HERC3: variants seen among roughly 807,000 people sequenced by gnomAD.
HERC3 encodes HECT and RLD domain containing E3 ubiquitin protein ligase 3.
In HERC3, 58 loss-of-function variants were observed where a neutral mutation model predicts 129.9. The ratio of observed to expected loss-of-function variants is 0.45; its 90% CI spans 0.36 to 0.56. The LOEUF (loss-of-function observed/expected upper bound fraction) is 0.56. HERC3 is among the 20% of genes least tolerant of loss of function. HERC3 has a pLI of 0.00. For synonymous variants in HERC3, 430 were observed against 451.0 expected (o/e 0.95, Z 0.59); for missense variants, 835 against 1,244.2 (o/e 0.67, Z 4.95).
chr4:88,539,648 A>T, the HERC3 span, among the ~76,000 whole-genome samples: 1 of 152,080 alleles, frequency 6.6e-6, no homozygotes, highest in Non-Finnish European at 1.5e-5. Flanking sequence ...TGACTGGGAG[A>T]CACCTCCCAG....
intron 2 of HERC3, among the ~76,000 whole-genome samples, chr4:88,603,591 G>A (rs760722289): frequency 3.9e-5 from 6 of 152,080 alleles, no homozygotes; most frequent in South Asian, 2.1e-4. Flanking sequence ...GTCTCCTTTC[G>A]TCTCTAAATC....
At chr4:88,654,348 TCATATATATATATATATA>T (rs1190750564) in intron 7 of HERC3, among the ~76,000 whole-genome samples, 22 of 109,654 alleles carry the variant, frequency 2.0e-4, no homozygotes, top group African/African-American at 5.7e-4. Context: ...TGTAGATTTT[TCATATATATATATATATA>T]TATATATATA....
intron 21 of HERC3, among the ~76,000 whole-genome samples, chr4:88,683,827 G>A (rs1733085603): frequency 6.6e-6 from 1 of 152,210 alleles, no homozygotes; most frequent in Non-Finnish European, 1.5e-5. Flanking sequence ...TGCAGGCTGT[G>A]TGTGGTCCAG....
At chr4:88,653,502 G>A (rs573318460) in intron 6 of HERC3, among the ~76,000 whole-genome samples, 1 of 152,312 alleles carries the variant, frequency 6.6e-6, no homozygotes, top group East Asian at 1.9e-4. Context: ...CACAGCTGCA[G>A]GTCAGAGAAG....
At chr4:88,636,408 C>T (rs557205924) in intron 3 of HERC3, among the ~76,000 whole-genome samples, 7 of 152,194 alleles carry the variant, frequency 4.6e-5, no homozygotes, top group Middle Eastern at 3.4e-3. Context: ...AAGGGCATTA[C>T]GTAATGGTAA....
upstream of HERC3, among the ~76,000 whole-genome samples, chr4:88,590,862 A>C (rs532343780): frequency 1.0e-4 from 15 of 150,442 alleles, no homozygotes; most frequent in South Asian, 2.9e-3. Flanking sequence ...TCTTGTCCCC[A>C]GTGTTTCTTT....
At chr4:88,629,626 C>G (rs1052809826) in intron 3 of HERC3, among the ~76,000 whole-genome samples, 2 of 152,106 alleles carry the variant, frequency 1.3e-5, no homozygotes, top group South Asian at 2.1e-4. Context: ...AAAATGCCAG[C>G]CTTAAAGTTT....
the HERC3 span, among the ~76,000 whole-genome samples, chr4:88,544,691 T>C: frequency 6.6e-6 from 1 of 152,200 alleles, no homozygotes; most frequent in African/African-American, 2.4e-5. Flanking sequence ...AATGATAGAC[T>C]GGATTAAGAA....
chr4:88,602,984 A>G (rs560501223), intron 2 of HERC3, among the ~76,000 whole-genome samples: 3 of 152,116 alleles, frequency 2.0e-5, no homozygotes, highest in Non-Finnish European at 4.4e-5. Flanking sequence ...CTTTTTATTC[A>G]TGCTTGGCAA....
At chr4:88,686,117 A>C (rs1733422206) in intron 21 of HERC3, among the ~76,000 whole-genome samples, 1 of 152,170 alleles carries the variant, frequency 6.6e-6, no homozygotes, top group Admixed American at 6.5e-5. Flanking sequence ...TAACCTCTCA[A>C]AACAACTTCT....
chr4:88,680,077 A>G lies in HERC3; in HGVS notation c.2197-16A>G. On this transcript the variant is annotated splice_polypyrimidine_tract_variant and intron_variant, in intron 19 of 25. Transcript: ENST00000402738. Reference sequence around the variant, plus strand: ...TAGATTTCCCGGAAGCATTAATTCTATTCTATTATTTTAAGGTAATCTTTG... The same window carrying G: ...TAGATTTCCCGGAAGCATTAATTCTGTTCTATTATTTTAAGGTAATCTTTG... 1.3e-6 allele frequency: 2 copies of G among 1,599,818 alleles called. No homozygotes were observed. Among genetic ancestry groups the G allele is most frequent in the Admixed American group, 1.7e-5 (1 of 57,338 alleles).
intron 2 of HERC3, among the ~76,000 whole-genome samples, chr4:88,598,535 T>A (rs1182525618): frequency 6.6e-6 from 1 of 152,220 alleles, no homozygotes; most frequent in Non-Finnish European, 1.5e-5. Context: ...TTGTCCTGTC[T>A]GCTGAAATCT....
the HERC3 span, among the ~76,000 whole-genome samples, chr4:88,550,107 T>TG: frequency 6.6e-6 from 1 of 152,106 alleles, no homozygotes; most frequent in Non-Finnish European, 1.5e-5. Flanking sequence ...ATGAGGAACT[T>TG]GGGGAGGGAC....
intron 23 of HERC3, chr4:88,693,259 G>T (rs1470933600): frequency 6.1e-6 from 6 of 978,250 alleles, no homozygotes; most frequent in Non-Finnish European, 7.3e-6. Flanking sequence ...AAAGGATTTT[G>T]TGCCTTTAAA....
At chr4:88,690,513 G>A (rs1733967157) in intron 23 of HERC3, 1 of 985,256 alleles carries the variant, frequency 1.0e-6, no homozygotes, top group Admixed American at 6.2e-5. Context: ...CAATGGGATA[G>A]GCAAGCATCC....
At chr4:88,694,806 A>G (rs1240733645) in intron 23 of HERC3, among the ~76,000 whole-genome samples, 1 of 152,160 alleles carries the variant, frequency 6.6e-6, no homozygotes, top group Non-Finnish European at 1.5e-5. Flanking sequence ...TAGAGGTTTT[A>G]TAAATGTTTT....
intron 3 of HERC3, among the ~76,000 whole-genome samples, chr4:88,632,162 CTT>C (rs969447671): frequency 5.3e-5 from 8 of 152,304 alleles, no homozygotes; most frequent in Non-Finnish European, 8.8e-5. Flanking sequence ...TCCATGAACT[CTT>C]TGGCTCACCT....
In HERC3 at chr4:88,697,745, A is replaced by T. The variant is rs539392571; in HGVS notation, c.2658-6353A>T. The T allele has an allele frequency of 1.2e-5, 20 of 1,608,190 alleles. No homozygotes were observed. The South Asian group carries it at 2.1e-4, about 17-fold the overall frequency. On this transcript the variant is annotated intron_variant, in intron 23 of 25. Coordinates refer to ENST00000402738, the MANE Select transcript of HERC3 (RefSeq NM_014606.3). ...GGCTCCGCAGGCCCCTGGTTTTCCG[A>T]GTCGGCCATGTTAGAGGAGAAGCCG...
At chr4:88,606,237 ACTTTT>A (rs1302740983) in intron 3 of HERC3, among the ~76,000 whole-genome samples, 188 bp downstream of exon 3, 19 of 147,974 alleles carry the variant, frequency 1.3e-4, no homozygotes, top group Admixed American at 1.1e-3. Context: ...GGAAAAGCAG[ACTTTT>A]CTTTTCTTTT....
Sources: gnomAD v4.1 joint callset for allele counts (sites outside exome capture counted in the v4.1 genomes callset) on GRCh38, gnomAD v4.1.1 for gene constraint, MANE v1.5 for transcripts, NCBI Gene and HGNC (gene_info 2026-07-23, HGNC 2026-07-21) for gene names.